Variants in KDM2A observed in about 807,000 individuals in gnomAD.
KDM2A encodes the protein lysine-specific demethylase 2A.
Under a neutral mutation model 137.3 loss-of-function variants are expected in KDM2A, and 3 were observed. The ratio of observed to expected loss-of-function variants is 0.02; its 90% confidence interval spans 0.01 to 0.06. The LOEUF (loss-of-function observed/expected upper bound fraction) is 0.06. Ranked by LOEUF, KDM2A falls within the 10% of genes least tolerant of loss-of-function variation. KDM2A has a pLI of 1.00. For synonymous variants in KDM2A, 512 were observed against 541.5 expected, an observed-to-expected ratio of 0.95 and a Z score of 0.76; for missense variants, 738 against 1,510.6, an observed-to-expected ratio of 0.49 and a Z score of 8.48.
intron 16 of KDM2A, among the ~76,000 whole-genome samples, chr11:67,249,088 T>C (rs943457539): frequency 6.6e-6 from 1 of 152,262 alleles, no homozygotes; most frequent in African/African-American, 2.4e-5. Flanking sequence ...GGAATTTTCT[T>C]ACTTTTTATT....
intron 5 of KDM2A, among the ~76,000 whole-genome samples, chr11:67,197,469 T>C (rs1857509866): frequency 6.6e-6 from 1 of 152,236 alleles, no homozygotes; most frequent in African/African-American, 2.4e-5. Flanking sequence ...TGAGCCACTC[T>C]GCCCAGCCAG....
intron 12 of KDM2A, among the ~76,000 whole-genome samples, 182 bp from the exon 13 acceptor site, chr11:67,242,827 T>G (rs1385942418): frequency 6.6e-6 from 1 of 152,164 alleles, no homozygotes; most frequent in Non-Finnish European, 1.5e-5. Context: ...TTGAGTTTTC[T>G]CCTTCACCTT....
chr11:67,194,058 AT>A (rs1857422836), intron 5 of KDM2A, among the ~76,000 whole-genome samples: 1 of 151,992 alleles, frequency 6.6e-6, no homozygotes, highest in Non-Finnish European at 1.5e-5. Context: ...ATTTAATCTC[AT>A]TTCTTTGAGT....
Position 67,256,505 on chromosome 11 carries a change from A to T in KDM2A, c.*1450A>T, listed in dbSNP as rs937044872. The T allele has an allele frequency of 1.3e-5, 2 of 152,690 alleles. No individual in the cohort carries two copies. Among genetic ancestry groups the T allele is most frequent in the Non-Finnish European group, 2.9e-5 (2 of 68,086 alleles). The allele number at this position is 152,690 out of a possible 1,614,324, so 9.5% of individuals were successfully genotyped here. On this transcript the variant is annotated 3_prime_UTR_variant, in exon 21 of 21. Coordinates refer to ENST00000529006, the MANE Select transcript of KDM2A (RefSeq NM_012308.3). ...GCTCCCCCTCTGTAAGGATACTGAT[A>T]GCACAACCTCTTCCCCCCACCCCGC...
At position 67,181,354 on chromosome 11, in the gene KDM2A, G is replaced by A; in HGVS notation, c.216G>A (p.Leu72=). 6.2e-7 allele frequency: 1 copy of A among 1,612,086 alleles called. No individual in the cohort carries two copies. The highest frequency in any genetic ancestry group is 8.5e-7 in the Non-Finnish European group (1 of 1,178,800). The change falls in exon 4 of 21, where the codon TTG becomes TTA. Residue 72 remains leucine (L), a synonymous_variant. Transcript: ENST00000529006. ...TAGAGTATATTCAGCGGGGTGGCTT[G>A]AGAGATCCTCTGATTTTCAAGAATT... The part of the protein sequence containing the change: ...FNVEYIQRGG[L]RDPLIFKNSD...
In KDM2A at chr11:67,217,847, T is replaced by C. The variant is rs1360172052; in HGVS notation, c.804T>C (p.Ile268=). 1 of 1,613,230 alleles carries C rather than the reference T, an allele frequency of 6.2e-7. No homozygotes were observed. Among genetic ancestry groups the C allele is most frequent in the Admixed American group, 1.7e-5 (1 of 59,878 alleles). Reference sequence around the variant, plus strand: ...ACCGGGTATCAGATTGTCAGCGCATTGAGCTCAAGCAGGGCTATACCTTCG... The same window carrying C: ...ACCGGGTATCAGATTGTCAGCGCATCGAGCTCAAGCAGGGCTATACCTTCG... ...LGDRVSDCQR[I]ELKQGYTFVI... The change falls in exon 9 of 21, where the codon ATT becomes ATC. Residue 268 remains isoleucine, a synonymous_variant. Coordinates refer to ENST00000529006, the MANE Select transcript of KDM2A (RefSeq NM_012308.3).
At chr11:67,125,626 G>A (rs1855703416) in intron 2 of KDM2A, among the ~76,000 whole-genome samples, 1 of 151,728 alleles carries the variant, frequency 6.6e-6, no homozygotes, top group Admixed American at 6.6e-5. Context: ...ACAAAAATTA[G>A]CTGGGCACTG....
chr11:67,248,738 G>A (rs1478978252), intron 16 of KDM2A: 3 of 202,560 alleles, frequency 1.5e-5, no homozygotes, highest in Non-Finnish European at 3.0e-5. Flanking sequence ...GAGGCAGCCA[G>A]TGAGTGCAGC....
intron 2 of KDM2A, among the ~76,000 whole-genome samples, chr11:67,122,006 C>T (rs1266797352): frequency 6.6e-6 from 1 of 152,086 alleles, no homozygotes; most frequent in Non-Finnish European, 1.5e-5. Flanking sequence ...ATCCTTTAAG[C>T]CATGCTTTCC....
At chr11:67,213,013 G>C (rs1218704659) in intron 6 of KDM2A, among the ~76,000 whole-genome samples, 2 of 152,170 alleles carry the variant, frequency 1.3e-5, no homozygotes, top group Non-Finnish European at 2.9e-5. Flanking sequence ...GCGGATGCTT[G>C]GTTAAAATTG....
rs529759478 is a variant in KDM2A at position 67,139,500 on chromosome 11, C to T, written c.42+18142C>T. 2.6e-5 allele frequency among the ~76,000 whole-genome samples: 4 copies of T among 152,172 alleles called. No individual in the cohort carries two copies. In the South Asian group the frequency reaches 8.3e-4, roughly 32 times the overall value. On this transcript the variant is annotated intron_variant, in intron 2 of 20. Coordinates refer to ENST00000529006, the MANE Select transcript of KDM2A (RefSeq NM_012308.3). ...CCTCTGGTGATTCGCCCACCTCGGCCCCCCAAAGTGCTAGGATTACAGGCG... is the reference window on the plus strand; with the variant it reads ...CCTCTGGTGATTCGCCCACCTCGGCTCCCCAAAGTGCTAGGATTACAGGCG...
chr11:67,218,032 G>A (rs1230502134), intron 9 of KDM2A, 148 bp downstream of exon 9: 13 of 766,564 alleles, frequency 1.7e-5, no homozygotes, highest in Non-Finnish European at 2.6e-5. Context: ...TAGATGCTGA[G>A]GTTTTGTTTG....
intron 5 of KDM2A, among the ~76,000 whole-genome samples, chr11:67,205,532 A>G (rs1857776556): frequency 6.6e-6 from 1 of 152,054 alleles, no homozygotes; most frequent in African/African-American, 2.4e-5. Context: ...GGCTCAGGTG[A>G]TTCTCACACC....
chr11:67,160,096 C>T (rs1856601718), intron 2 of KDM2A, among the ~76,000 whole-genome samples: 1 of 152,136 alleles, frequency 6.6e-6, no homozygotes, highest in African/African-American at 2.4e-5. Flanking sequence ...ACTGCCTCTT[C>T]CCTGATAATT....
At chr11:67,226,136 A>G (rs1458807259) in intron 10 of KDM2A, among the ~76,000 whole-genome samples, 1 of 152,034 alleles carries the variant, frequency 6.6e-6, no homozygotes, top group Non-Finnish European at 1.5e-5. Flanking sequence ...ACACACCTAT[A>G]ATCCCAGCTG....
At chr11:67,171,270 G>T (rs1036106490) in intron 2 of KDM2A, among the ~76,000 whole-genome samples, 1 of 152,178 alleles carries the variant, frequency 6.6e-6, no homozygotes, top group Non-Finnish European at 1.5e-5. Flanking sequence ...GTCTCCCTCA[G>T]TGTTCCTAGT....
At chr11:67,166,756 T>C (rs1018050804) in intron 2 of KDM2A, among the ~76,000 whole-genome samples, 11 of 152,042 alleles carry the variant, frequency 7.2e-5, no homozygotes, top group Admixed American at 6.6e-4. Flanking sequence ...AGTACACTGG[T>C]TCAGGTTGGA....
chr11:67,138,480 G>A (rs995135709), intron 2 of KDM2A, among the ~76,000 whole-genome samples: 1 of 152,116 alleles, frequency 6.6e-6, no homozygotes, highest in African/African-American at 2.4e-5. Flanking sequence ...CTGGGAACTA[G>A]TTAGAAAGGG....
chr11:67,241,148 T>A (rs112393863), intron 12 of KDM2A, among the ~76,000 whole-genome samples: 618 of 152,238 alleles, frequency 4.1e-3, no homozygotes, highest in Non-Finnish European at 7.0e-3. Context: ...CTACTCTTCG[T>A]CAGTGCGAAG....
Sources: gnomAD v4.1 joint callset for allele counts (sites outside exome capture counted in the v4.1 genomes callset) on GRCh38, gnomAD v4.1.1 for gene constraint, MANE v1.5 for transcripts, NCBI Gene and HGNC (gene_info 2026-07-23, HGNC 2026-07-21) for gene names.